Variants in TIGIT observed in about 807,000 individuals in gnomAD.
TIGIT encodes the protein T cell immunoreceptor with Ig and ITIM domains, also known as T-cell immunoreceptor with Ig and ITIM domains.
In TIGIT, 11 loss-of-function variants were observed where a neutral mutation model predicts 19.6. That is an observed-to-expected ratio of 0.56 (90% CI 0.35 to 0.93). The LOEUF (loss-of-function observed/expected upper bound fraction) is 0.93. Ranked by LOEUF, TIGIT falls within the 40% of genes least tolerant of loss-of-function variation. The probability of loss-of-function intolerance (pLI) is 0.01; values close to 1 mark genes in which losing one functional copy is unlikely to be tolerated. For synonymous variants in TIGIT, 130 were observed against 125.5 expected (o/e 1.04, Z -0.24); for missense variants, 295 against 303.9 (o/e 0.97, Z 0.22).
rs2078448912 is a variant in TIGIT at position 114,295,696 on chromosome 3, T to C, written c.213T>C (p.Ala71=). ...QQDQLLAICN[A]DLGWHISPSF... Reference sequence around the variant, plus strand: ...ACCAGCTTCTGGCCATTTGTAATGCTGACTTGGGGTGGCACATCTCCCCAT... The same window carrying C: ...ACCAGCTTCTGGCCATTTGTAATGCCGACTTGGGGTGGCACATCTCCCCAT... Residue 71 remains alanine (A), a synonymous_variant, in exon 2 of 4, where the codon GCT becomes GCC. Transcript: ENST00000383671. The C allele has an allele frequency of 6.2e-7, 1 of 1,614,098 alleles. No individual in the cohort carries two copies. Among genetic ancestry groups the C allele is most frequent in the Non-Finnish European group, 8.5e-7 (1 of 1,180,044 alleles).
At chr3:114,305,700 T>G (rs2078529031) in intron 3 of TIGIT, among the ~76,000 whole-genome samples, 1 of 151,402 alleles carries the variant, frequency 6.6e-6, no homozygotes, top group Non-Finnish European at 1.5e-5. Flanking sequence ...AAAATGGGAG[T>G]GCTGGTCAGG....
In TIGIT at chr3:114,308,218, C is replaced by CGTGTGT. The variant is rs35641088; in HGVS notation, c.*100_*105dup. The CGTGTGT allele has an allele frequency of 1.2e-3, 1,019 of 826,358 alleles. 1 individual carries two copies. The highest frequency in any genetic ancestry group is 1.7e-3 in the Non-Finnish European group (827 of 498,818). 51.2% of individuals were successfully genotyped at this position (826,358 alleles called of 1,614,324 possible). ...GCAGCTGTACTCTCCATCAGTGCTG[C>CGTGTGT]GTGTGTGTGTGTGTGTGTATGTGTG... On this transcript the variant is annotated 3_prime_UTR_variant, in exon 4 of 4. Transcript: ENST00000383671.
intron 2 of TIGIT, chr3:114,296,103 TG>T (rs1327604198): frequency 2.1e-6 from 1 of 487,474 alleles, no homozygotes; most frequent in South Asian, 3.3e-5. Context: ...GTGATTCTAA[TG>T]GGCAGCCAAT....
At chr3:114,307,741 G>T in intron 3 of TIGIT, 154 bp from the exon 4 acceptor site, 1 of 684,534 alleles carries the variant, frequency 1.5e-6, no homozygotes, top group East Asian at 2.6e-5. Context: ...GCTGTAACGC[G>T]GTTGAGAAAT....
intron 3 of TIGIT, among the ~76,000 whole-genome samples, chr3:114,305,529 A>G (rs1331862391): frequency 2.0e-5 from 3 of 152,204 alleles, no homozygotes; most frequent in African/African-American, 4.8e-5. Flanking sequence ...GGCTGAAGCA[A>G]GAATTGTACA....
At position 114,309,939 on chromosome 3, in the gene TIGIT, G is replaced by A. The variant is rs1278694180; in HGVS notation, c.*1808G>A. ...AATACAAAAGGGCCTATAGATGTTA[G>A]AAATGGGTCAGGTTACTGAAATGGG... On this transcript the variant is annotated 3_prime_UTR_variant, in exon 4 of 4. Coordinates refer to ENST00000383671, the MANE Select transcript of TIGIT (RefSeq NM_173799.4). The A allele has an allele frequency of 1.3e-5, 2 of 152,170 alleles. No homozygotes were observed. Among genetic ancestry groups the A allele is most frequent in the African/African-American group, 2.4e-5 (1 of 41,436 alleles). The allele number at this position is 152,170 out of a possible 1,614,324, so 9.4% of individuals were successfully genotyped here.
In TIGIT at chr3:114,295,588, A is replaced by G; in HGVS notation, c.105A>G (p.Ala35=). 1 of 1,614,212 alleles carries G rather than the reference A, an allele frequency of 6.2e-7. No homozygotes were observed. Among genetic ancestry groups the G allele is most frequent in the Non-Finnish European group, 8.5e-7 (1 of 1,180,026 alleles). Residue 35 remains alanine (A), a synonymous_variant, in exon 2 of 4, where the codon GCA becomes GCG. Transcript: ENST00000383671. ...TAGAAACAACGGGGAACATTTCTGC[A>G]GAGAAAGGTGGCTCTATCATCTTAC... is the stretch of plus-strand genomic sequence containing the variant. ...GTIETTGNIS[A]EKGGSIILQC...
chr3:114,299,046 T>G (rs2078472816), intron 2 of TIGIT, among the ~76,000 whole-genome samples: 1 of 152,234 alleles, frequency 6.6e-6, no homozygotes, highest in Non-Finnish European at 1.5e-5. Flanking sequence ...GAGCATTCGC[T>G]ATGTGTCAGA....
At chr3:114,295,902 T>C (rs772675908) in intron 2 of TIGIT, 28 bp downstream of exon 2, 1 of 1,549,938 alleles carries the variant, frequency 6.5e-7, no homozygotes, top group East Asian at 2.3e-5. Flanking sequence ...AGTTGGTGGA[T>C]AAACCTCTCC....
Position 114,299,656 on chromosome 3 carries a change from G to A in TIGIT, c.451G>A (p.Val151Met). Residue 151 changes from valine (V) to methionine (M), a missense_variant, in exon 3 of 4, where the codon GTG becomes ATG. By Grantham distance (21) the Val-to-Met change is conservative. Transcript: ENST00000383671. ...PLLGAMAATLVVICTAVIVVV... is the reference protein window; with the variant it reads ...PLLGAMAATLMVICTAVIVVV... ...GCTTGGAGCCATGGCCGCGACGCTG[G>A]TGGTCATCTGCACAGCAGTCATCGT... is the stretch of plus-strand genomic sequence containing the variant. 1 of 1,613,402 alleles carries A rather than the reference G, an allele frequency of 6.2e-7. No individual in the cohort carries two copies. The highest frequency in any genetic ancestry group is 8.5e-7 in the Non-Finnish European group (1 of 1,179,998).
rs2078549426 is a variant in TIGIT, at chr3:114,308,258, A to G, written c.*127A>G. 2 of 735,612 alleles carry G rather than the reference A, an allele frequency of 2.7e-6. No homozygotes were observed. Among genetic ancestry groups the G allele is most frequent in the Non-Finnish European group, 2.3e-6 (1 of 432,128 alleles). 45.6% of individuals were successfully genotyped at this position (735,612 alleles called of 1,614,324 possible). ...GTGTATGTGTGTGTGTGTTCAGTTG[A>G]GTGAATAAATGTCATCCTCTTCTCC... is the stretch of plus-strand genomic sequence containing the variant. On this transcript the variant is annotated 3_prime_UTR_variant, in exon 4 of 4. Transcript: ENST00000383671.
chr3:114,297,590 G>A (rs1218944146), intron 2 of TIGIT, among the ~76,000 whole-genome samples: 3 of 152,174 alleles, frequency 2.0e-5, no homozygotes, highest in Non-Finnish European at 4.4e-5. Flanking sequence ...CAGGCAGAAG[G>A]CCCCTGTGGA....
At chr3:114,296,636 C>T (rs904437117) in intron 2 of TIGIT, among the ~76,000 whole-genome samples, 6 of 152,204 alleles carry the variant, frequency 3.9e-5, no homozygotes, top group Non-Finnish European at 8.8e-5. Flanking sequence ...ATGCCTGGAA[C>T]ATGGTAAGTG....
intron 3 of TIGIT, among the ~76,000 whole-genome samples, chr3:114,303,662 C>G (rs2078512525): frequency 6.8e-6 from 1 of 147,794 alleles, no homozygotes; most frequent in South Asian, 2.2e-4. Context: ...CACACAGACA[C>G]ATTACAATTT....
chr3:114,308,218 C>CGTGTGTGT lies in TIGIT; in HGVS notation c.*98_*105dup, dbSNP rs35641088. On this transcript the variant is annotated 3_prime_UTR_variant, in exon 4 of 4. Coordinates refer to ENST00000383671, the MANE Select transcript of TIGIT (RefSeq NM_173799.4). ...GCAGCTGTACTCTCCATCAGTGCTG[C>CGTGTGTGT]GTGTGTGTGTGTGTGTGTATGTGTG... 4.1e-5 allele frequency: 34 copies of CGTGTGTGT among 827,052 alleles called. No homozygotes were observed. Among genetic ancestry groups the CGTGTGTGT allele is most frequent in the South Asian group, 1.8e-4 (11 of 62,334 alleles). 51.2% of individuals were successfully genotyped at this position (827,052 alleles called of 1,614,324 possible).
intron 3 of TIGIT, 133 bp from the exon 4 acceptor site, chr3:114,307,762 G>A: frequency 1.3e-6 from 1 of 799,568 alleles, no homozygotes; most frequent in Non-Finnish European, 2.1e-6. Flanking sequence ...TAAGGGCTAA[G>A]GAATTGGTGT....
chr3:114,305,652 G>A (rs1016714451), intron 3 of TIGIT, among the ~76,000 whole-genome samples: 1 of 152,142 alleles, frequency 6.6e-6, no homozygotes, highest in Non-Finnish European at 1.5e-5. Context: ...CAGAGAAGGG[G>A]CTGCTGTGAG....
At chr3:114,297,286 T>C (rs1437783498) in intron 2 of TIGIT, among the ~76,000 whole-genome samples, 1 of 152,174 alleles carries the variant, frequency 6.6e-6, no homozygotes, top group African/African-American at 2.4e-5. Context: ...TTATGTACTT[T>C]TTTTCTCAGT....
chr3:114,307,687 TG>T (rs1204364360), intron 3 of TIGIT: 1 of 571,716 alleles, frequency 1.7e-6, no homozygotes, highest in Non-Finnish European at 3.1e-6. Context: ...ACGTGGTATA[TG>T]TAGTAAGTGC....
Sources: allele counts gnomAD v4.1 joint callset (sites outside exome capture counted in the v4.1 genomes callset), GRCh38; gene constraint gnomAD v4.1.1; transcripts MANE v1.5; gene names NCBI Gene and HGNC (gene_info 2026-07-23, HGNC 2026-07-21).